TRAF3IP1: variants seen among roughly 807,000 people sequenced by gnomAD.
TRAF3IP1 encodes the protein TRAF3-interacting protein 1.
In TRAF3IP1, 53 loss-of-function variants were observed where a neutral mutation model predicts 89.9. The observed-to-expected ratio is 0.59, with a 90% CI of 0.47 to 0.74. TRAF3IP1 has a LOEUF of 0.74. TRAF3IP1 is among the 30% of genes least tolerant of loss of function. The probability of loss-of-function intolerance (pLI) is 0.00; values close to 1 mark genes in which losing one functional copy is unlikely to be tolerated. For synonymous variants in TRAF3IP1, 311 were observed against 322.1 expected (o/e 0.97, Z 0.37); for missense variants, 806 against 866.1 (o/e 0.93, Z 0.87).
At chr2:238,383,333 A>G (rs556031231) in intron 15 of TRAF3IP1, among the ~76,000 whole-genome samples, 2 of 152,338 alleles carry the variant, frequency 1.3e-5, no homozygotes, top group South Asian at 2.1e-4. Flanking sequence ...GCCCTGGCAC[A>G]CAGTAGGTGC....
At chr2:238,336,515 G>A (rs538386851) in intron 7 of TRAF3IP1, among the ~76,000 whole-genome samples, 2 of 152,228 alleles carry the variant, frequency 1.3e-5, no homozygotes, top group Admixed American at 6.5e-5. Context: ...TACAGGGTGT[G>A]AGGGTATCAC....
chr2:238,368,732 G>A (rs1195095000), intron 15 of TRAF3IP1, among the ~76,000 whole-genome samples: 4 of 152,052 alleles, frequency 2.6e-5, no homozygotes, highest in African/African-American at 4.8e-5. Context: ...GTGCAATGGC[G>A]TGATCTCGGC....
chr2:238,399,973 G>C lies in TRAF3IP1; in HGVS notation c.*1054G>C, dbSNP rs545829038. ...GTTACTGTATAAAACATTTCATTGT[G>C]TTTGAAGACATACTTATGGGTCTTG... On this transcript the variant is annotated 3_prime_UTR_variant, in exon 17 of 17. Transcript: ENST00000373327. 3 of 152,138 alleles carry C rather than the reference G, an allele frequency of 2.0e-5. No homozygotes were observed. In the South Asian group the frequency reaches 6.2e-4, roughly 32 times the overall value. The allele number at this position is 152,138 out of a possible 1,614,324, so 9.4% of individuals were successfully genotyped here.
chr2:238,350,730 G>T (rs1156496109), intron 12 of TRAF3IP1, among the ~76,000 whole-genome samples: 1 of 152,236 alleles, frequency 6.6e-6, no homozygotes, highest in Non-Finnish European at 1.5e-5. Flanking sequence ...GTGGCTGACA[G>T]CTGACTTCAG....
intron 15 of TRAF3IP1, among the ~76,000 whole-genome samples, chr2:238,361,613 A>T (rs1238312241): frequency 6.6e-6 from 1 of 152,028 alleles, no homozygotes; most frequent in East Asian, 1.9e-4. Flanking sequence ...GAGCCCAGGC[A>T]CTACGTGTTT....
chr2:238,388,787 A>G (rs1263123243), intron 15 of TRAF3IP1, among the ~76,000 whole-genome samples: 1 of 151,436 alleles, frequency 6.6e-6, no homozygotes, highest in Non-Finnish European at 1.5e-5. Context: ...GACCACAAAC[A>G]TGCACCACTA....
chr2:238,355,085 T>C (rs1699350261), intron 14 of TRAF3IP1, among the ~76,000 whole-genome samples: 1 of 152,222 alleles, frequency 6.6e-6, no homozygotes, highest in Admixed American at 6.5e-5. Context: ...TGGATATCAC[T>C]AAGTTTATTT....
chr2:238,335,761 TTTTATTTTATTTA>T (rs1308204297), intron 7 of TRAF3IP1, among the ~76,000 whole-genome samples: 86 of 136,258 alleles, frequency 6.3e-4, no homozygotes, highest in African/African-American at 1.8e-3. Context: ...GTTTATTTTA[TTTTATTTTATTTA>T]TTTATTTATT....
At chr2:238,364,406 G>GTTT (rs11384305) in intron 15 of TRAF3IP1, among the ~76,000 whole-genome samples, 3 of 150,040 alleles carry the variant, frequency 2.0e-5, no homozygotes, top group African/African-American at 7.3e-5. Context: ...TCCTGCCAGC[G>GTTT]TTTTTTTTTC....
At position 238,399,977 on chromosome 2, in the gene TRAF3IP1, G is replaced by A. The variant is rs1701397786; in HGVS notation, c.*1058G>A. 3 of 152,082 alleles carry A rather than the reference G, an allele frequency of 2.0e-5. No individual in the cohort carries two copies. The allele number at this position is 152,082 out of a possible 1,614,324, so 9.4% of individuals were successfully genotyped here. A position where few individuals can be genotyped will look rare whatever the true frequency, so the allele number is the denominator to read the frequency against. ...CTGTATAAAACATTTCATTGTGTTT[G>A]AAGACATACTTATGGGTCTTGAGGT... is the stretch of plus-strand genomic sequence containing the variant. On this transcript the variant is annotated 3_prime_UTR_variant, in exon 17 of 17. Coordinates refer to ENST00000373327, the MANE Select transcript of TRAF3IP1 (RefSeq NM_015650.4).
chr2:238,360,080 A>G (rs953754013), intron 15 of TRAF3IP1, among the ~76,000 whole-genome samples: 43 of 152,202 alleles, frequency 2.8e-4, no homozygotes, highest in African/African-American at 1.0e-3. Context: ...TACAGTGTGT[A>G]TATATACTGG....
At chr2:238,384,002 T>C (rs769025935) in intron 15 of TRAF3IP1, among the ~76,000 whole-genome samples, 2 of 152,230 alleles carry the variant, frequency 1.3e-5, no homozygotes, top group Non-Finnish European at 2.9e-5. Context: ...GGGTTGACTA[T>C]TTGTTAGTTT....
chr2:238,388,291 C>T (rs571579238), intron 15 of TRAF3IP1, among the ~76,000 whole-genome samples: 1 of 147,578 alleles, frequency 6.8e-6, no homozygotes, highest in Non-Finnish European at 1.5e-5. Context: ...AGGAGAATCA[C>T]TTGAACTGGG....
intron 15 of TRAF3IP1, among the ~76,000 whole-genome samples, chr2:238,364,044 T>C (rs2106341443): frequency 6.6e-6 from 1 of 152,352 alleles, no homozygotes; most frequent in South Asian, 2.1e-4. Context: ...ATACATGTTA[T>C]CATAATAATT....
At chr2:238,321,908 C>T (rs1486956799) in intron 1 of TRAF3IP1, among the ~76,000 whole-genome samples, 1 of 152,216 alleles carries the variant, frequency 6.6e-6, no homozygotes, top group Non-Finnish European at 1.5e-5. Context: ...CTTTGCTTTA[C>T]TGGTTCTGCC....
At chr2:238,392,578 T>A (rs1253982671) in intron 15 of TRAF3IP1, among the ~76,000 whole-genome samples, 2 of 151,678 alleles carry the variant, frequency 1.3e-5, no homozygotes, top group Admixed American at 6.6e-5. Flanking sequence ...CTGTTCCTTT[T>A]TTTTTTTTCT....
chr2:238,375,117 G>T (rs929693734), intron 15 of TRAF3IP1, among the ~76,000 whole-genome samples: 1 of 152,054 alleles, frequency 6.6e-6, no homozygotes, highest in Non-Finnish European at 1.5e-5. Context: ...GTCTTTTTGT[G>T]TCTCTATCTC....
At chr2:238,333,760 G>A (rs575693240) in intron 6 of TRAF3IP1, among the ~76,000 whole-genome samples, 200 bp from the exon 7 acceptor site, 33 of 152,290 alleles carry the variant, frequency 2.2e-4, no homozygotes, top group Middle Eastern at 6.8e-3. Flanking sequence ...TCTAAATATA[G>A]TGTGAAAAGG....
intron 7 of TRAF3IP1, among the ~76,000 whole-genome samples, chr2:238,337,966 GT>G (rs1219781821): frequency 6.6e-6 from 1 of 152,176 alleles, no homozygotes; most frequent in Non-Finnish European, 1.5e-5. Flanking sequence ...TACAAGTGAT[GT>G]TTACGGACAT....
Sources: gnomAD v4.1 joint callset for allele counts (sites outside exome capture counted in the v4.1 genomes callset) on GRCh38, gnomAD v4.1.1 for gene constraint, MANE v1.5 for transcripts, NCBI Gene and HGNC (gene_info 2026-07-23, HGNC 2026-07-21) for gene names.